The following GRID2IP variants were observed in gnomAD, a reference collection of about 807,000 sequenced individuals.
GRID2IP encodes the protein delphilin.
In GRID2IP, 78 loss-of-function variants were observed where a neutral mutation model predicts 114.3. The ratio of observed to expected loss-of-function variants is 0.68; its 90% CI spans 0.57 to 0.82. The LOEUF is 0.82. Ranked by LOEUF, GRID2IP falls within the 40% of genes least tolerant of loss-of-function variation. The pLI, the probability that GRID2IP is intolerant of heterozygous loss-of-function variation, is 0.00. For missense variants in GRID2IP, 1,727 were observed against 1,678.5 expected (o/e 1.03, Z -0.51); for synonymous variants, 809 against 724.0 (o/e 1.12, Z -1.89).
intron 2 of GRID2IP, among the ~76,000 whole-genome samples, chr7:6,537,537 CCTG>C (rs1409674433): frequency 1.3e-5 from 2 of 151,124 alleles, no homozygotes; most frequent in Non-Finnish European, 2.9e-5. Context: ...GCCACCACAA[CCTG>C]CTAATTTTTT....
chr7:6,539,949 C>A (rs1170943466), intron 1 of GRID2IP, 77 bp from the exon 2 acceptor site: 5 of 1,374,264 alleles, frequency 3.6e-6, no homozygotes, highest in Non-Finnish European at 5.0e-6. Context: ...TCCTTCCTTT[C>A]CTCCCTCAGT....
At chr7:6,544,276 T>G (rs896157731) in intron 1 of GRID2IP, among the ~76,000 whole-genome samples, 2 of 139,704 alleles carry the variant, frequency 1.4e-5, no homozygotes, top group Admixed American at 1.4e-4. Flanking sequence ...TTTCTTTTTC[T>G]TTTTTCTTTC....
chr7:6,497,962 C>T, intron 21 of GRID2IP, 102 bp downstream of exon 21: 1 of 1,413,816 alleles, frequency 7.1e-7, no homozygotes, highest in Non-Finnish European at 9.6e-7. Flanking sequence ...ATGTCGCTCA[C>T]TGGAGCCCCT....
chr7:6,506,299 G>C lies in GRID2IP; in HGVS notation c.2545-392C>G, dbSNP rs1251950303. Among the ~76,000 whole-genome samples the C allele has an allele frequency of 6.6e-6, 1 of 152,202 alleles. No individual in the cohort carries two copies. The highest frequency in any genetic ancestry group is 1.5e-5 in the Non-Finnish European group (1 of 68,032). On this transcript the variant is annotated intron_variant, in intron 13 of 21. Transcript: ENST00000457091. This position sits in a 1 kb window ranked among gnomAD's most constrained non-coding sequence, Gnocchi z 5.2. Reference sequence around the variant, plus strand: ...GAGTTCACCAGGGCTGCCCTGGGCAGAGTGAGCTGGTGCTGAGAGAACTGC... The same window carrying C: ...GAGTTCACCAGGGCTGCCCTGGGCACAGTGAGCTGGTGCTGAGAGAACTGC...
chr7:6,505,717 T>C lies in GRID2IP; in HGVS notation c.2632+103A>G, dbSNP rs1177753170. The C allele has an allele frequency of 1.1e-5, 8 of 724,072 alleles. No homozygotes were observed. In the South Asian group the frequency reaches 1.2e-4, roughly 11 times the overall value. The allele number at this position is 724,072 out of a possible 1,614,324, so 44.9% of individuals were successfully genotyped here. On this transcript the variant is annotated intron_variant, in intron 14 of 21. Transcript: ENST00000457091. ...CAGGGACTGAAGGCTTGAGGACGCA[T>C]CAGGTTAAATAGTAGTCAGTGCAGC...
chr7:6,531,920 T>G (rs1022000709), intron 2 of GRID2IP, among the ~76,000 whole-genome samples: 8 of 151,226 alleles, frequency 5.3e-5, no homozygotes, highest in African/African-American at 1.9e-4. Flanking sequence ...GCCTGGGGAG[T>G]CAGTGCGAGT....
rs1035910873 is a variant in GRID2IP, at chr7:6,516,989, G to A, written c.1269-2460C>T. Among the ~76,000 whole-genome samples the A allele has an allele frequency of 3.3e-5, 5 of 151,584 alleles. No individual in the cohort carries two copies. Among genetic ancestry groups the A allele is most frequent in the East Asian group, 1.9e-4 (1 of 5,134 alleles). The stretch of plus-strand genomic sequence containing the variant: ...GCATTCGGGGCCACTACTGGTCTCC[G>A]CGTCTTGGTGGTAGTGGTCCCCCGG... On this transcript the variant is annotated intron_variant, in intron 7 of 21. Coordinates refer to ENST00000457091, the MANE Select transcript of GRID2IP (RefSeq NM_001145118.2). The surrounding 1 kb of genome is among the most constrained non-coding windows in gnomAD (Gnocchi z 4.3).
intron 2 of GRID2IP, among the ~76,000 whole-genome samples, chr7:6,535,204 ATT>A (rs752837249): frequency 5.3e-5 from 8 of 151,064 alleles, no homozygotes; most frequent in Admixed American, 2.6e-4. Context: ...AAATTGTTGT[ATT>A]TTTAGTAGAG....
At position 6,543,010 on chromosome 7, in the gene GRID2IP, C is replaced by A. The variant is rs570593742; in HGVS notation, c.430-3138G>T. Among the ~76,000 whole-genome samples, 19 of 152,238 alleles carry A rather than the reference C, an allele frequency of 1.2e-4. 1 individual carries two copies. The East Asian group carries it at 3.7e-3, about 29-fold the overall frequency. On this transcript the variant is annotated intron_variant, in intron 1 of 21. Coordinates refer to ENST00000457091, the MANE Select transcript of GRID2IP (RefSeq NM_001145118.2). ...CAACTTCAGCCTGAACTGGGGCTGT[C>A]AGGCCCCGCCTCTCTCACCCTCATC...
intron 1 of GRID2IP, among the ~76,000 whole-genome samples, chr7:6,543,046 CT>C (rs1421217934): frequency 6.6e-6 from 1 of 152,186 alleles, no homozygotes; most frequent in Non-Finnish European, 1.5e-5. Context: ...CACCTCCAAA[CT>C]TCTCAACAGA....
At chr7:6,542,497 AT>A (rs1169989379) in intron 1 of GRID2IP, among the ~76,000 whole-genome samples, 2 of 151,556 alleles carry the variant, frequency 1.3e-5, no homozygotes, top group South Asian at 2.1e-4. Flanking sequence ...CTACAAACAA[AT>A]TTTTTTTAAA....
chr7:6,518,919 G>GT (rs1460488242), intron 7 of GRID2IP, among the ~76,000 whole-genome samples: 2 of 146,752 alleles, frequency 1.4e-5, no homozygotes, highest in Non-Finnish European at 3.0e-5. Flanking sequence ...GTTTTTTTTT[G>GT]TTTTTTTGTT....
chr7:6,534,965 A>G lies in GRID2IP; in HGVS notation c.584+4753T>C, dbSNP rs1214551803. Among the ~76,000 whole-genome samples, 3 of 152,206 alleles carry G rather than the reference A, an allele frequency of 2.0e-5. No homozygotes were observed. The highest frequency in any genetic ancestry group is 1.3e-4 in the Admixed American group (2 of 15,280). ...CAATGGCACGATCTCGGCTCACTGCAATCTCCGCCTCCCAGGTTCAAGCGA... is the reference window on the plus strand; with the variant it reads ...CAATGGCACGATCTCGGCTCACTGCGATCTCCGCCTCCCAGGTTCAAGCGA... On this transcript the variant is annotated intron_variant, in intron 2 of 21. Coordinates refer to ENST00000457091, the MANE Select transcript of GRID2IP (RefSeq NM_001145118.2). This position sits in a 1 kb window ranked among gnomAD's most constrained non-coding sequence, Gnocchi z 4.5.
chr7:6,497,849 G>A lies in GRID2IP; in HGVS notation c.3565-4C>T. 1 of 1,549,302 alleles carries A rather than the reference G, an allele frequency of 6.5e-7. No individual in the cohort carries two copies. The highest frequency in any genetic ancestry group is 2.4e-5 in the East Asian group (1 of 40,878). Reference sequence around the variant, plus strand: ...CCTGCAGGTCACTCAGCGCTCGCTGGGGAGGGGGAACACAGAGGTAGGGTG... The same window carrying A: ...CCTGCAGGTCACTCAGCGCTCGCTGAGGAGGGGGAACACAGAGGTAGGGTG... On this transcript the variant is annotated splice_region_variant and splice_polypyrimidine_tract_variant and intron_variant, in intron 21 of 21. Transcript: ENST00000457091.
rs879787702 is a variant in GRID2IP at position 6,536,916 on chromosome 7, C to CGG, written c.584+2800_584+2801dup. On this transcript the variant is annotated intron_variant, in intron 2 of 21. Transcript: ENST00000457091. This position sits in a 1 kb window ranked among gnomAD's most constrained non-coding sequence, Gnocchi z 5.3. ...AGAGCTGCGCCGGGGCTGGGGTGGG[C>CGG]GGGGGGGCGGCGGGGAGGGTGGCCA... The CGG allele has an allele frequency of 7.4e-5, 2 of 27,116 alleles. No individual in the cohort carries two copies. The highest frequency in any genetic ancestry group is 1.1e-4 in the Non-Finnish European group (2 of 17,514). The allele number at this position is 27,116 out of a possible 1,614,324, so 1.7% of individuals were successfully genotyped here. A position where few individuals can be genotyped will look rare whatever the true frequency, so the allele number is the denominator to read the frequency against.
rs1473127066 is a variant in GRID2IP, at chr7:6,519,738, CG to C, written c.1268+839del. On this transcript the variant is annotated intron_variant, in intron 7 of 21. Transcript: ENST00000457091. The surrounding 1 kb of genome is among the most constrained non-coding windows in gnomAD (Gnocchi z 4.1). The stretch of plus-strand genomic sequence containing the variant: ...CACCACTGCACTCCAGCCTGGGCAA[CG>C]AGAGTGAAACACCATCTCAAAAAAC... Among the ~76,000 whole-genome samples, 1 of 151,942 alleles carries C rather than the reference CG, an allele frequency of 6.6e-6. No individual in the cohort carries two copies. The highest frequency in any genetic ancestry group is 2.4e-5 in the African/African-American group (1 of 41,360).
chr7:6,521,285 T>C lies in GRID2IP; in HGVS notation c.1084+144A>G, dbSNP rs111560683. On this transcript the variant is annotated intron_variant, in intron 6 of 21. Coordinates refer to ENST00000457091, the MANE Select transcript of GRID2IP (RefSeq NM_001145118.2). This position sits in a 1 kb window ranked among gnomAD's most constrained non-coding sequence, Gnocchi z 4.1. ...CATGCCCAGCCTCACTGGGGTTCTA[T>C]AGCACCACTTAGGAGGCAGCCCCGG... The C allele has an allele frequency of 2.1e-3, 1,242 of 595,378 alleles. 1 individual carries two copies. Among genetic ancestry groups the C allele is most frequent in the Non-Finnish European group, 3.1e-3 (1,024 of 334,498 alleles). 36.9% of individuals were successfully genotyped at this position (595,378 alleles called of 1,614,324 possible). A position where few individuals can be genotyped will look rare whatever the true frequency, so the allele number is the denominator to read the frequency against.
At position 6,510,712 on chromosome 7, in the gene GRID2IP, G is replaced by C; in HGVS notation, c.1556-6C>G. 6.5e-7 allele frequency: 1 copy of C among 1,547,108 alleles called. No individual in the cohort carries two copies. Among genetic ancestry groups the C allele is most frequent in the Non-Finnish European group, 8.7e-7 (1 of 1,144,350 alleles). On this transcript the variant is annotated splice_region_variant and splice_polypyrimidine_tract_variant and intron_variant, in intron 9 of 21. Transcript: ENST00000457091. The stretch of plus-strand genomic sequence containing the variant: ...CTCAGGGCACTCGCTGGGACCTACC[G>C]GGGAATAATGTCATTACCGTATCTG...
At chr7:6,537,599 C>G (rs1030698587) in intron 2 of GRID2IP, among the ~76,000 whole-genome samples, 3 of 151,350 alleles carry the variant, frequency 2.0e-5, no homozygotes, top group Admixed American at 2.0e-4. Context: ...AGGCTAGTCT[C>G]GAACTCCTGA....
Sources: allele counts gnomAD v4.1 joint callset (sites outside exome capture counted in the v4.1 genomes callset), GRCh38; gene constraint gnomAD v4.1.1; non-coding constraint Gnocchi (gnomAD v3.1); transcripts MANE v1.5; gene names NCBI Gene and HGNC (gene_info 2026-07-23, HGNC 2026-07-21).